MESD: variants seen among roughly 807,000 people sequenced by gnomAD.
MESD encodes mesoderm development LRP chaperone, also known as LRP chaperone MESD.
Under a neutral mutation model 12.9 loss-of-function variants are expected in MESD, and 7 were observed. The observed-to-expected ratio is 0.54, with a 90% CI of 0.31 to 1.02. The LOEUF is 1.02. MESD is among the 50% of genes least tolerant of loss of function. The pLI is 0.05. For missense variants in MESD, 342 were observed against 296.7 expected (o/e 1.15, Z -1.12); for synonymous variants, 126 against 115.6 (o/e 1.09, Z -0.58).
chr15:80,959,640 T>C (rs1399379927), intron 3 of MESD, among the ~76,000 whole-genome samples: 1 of 152,206 alleles, frequency 6.6e-6, no homozygotes, highest in Non-Finnish European at 1.5e-5. Flanking sequence ...CGAACCCTCT[T>C]TCTACCATAA....
intron 3 of MESD, among the ~76,000 whole-genome samples, chr15:80,955,834 C>A (rs1242398637): frequency 2.0e-5 from 3 of 151,920 alleles, no homozygotes; most frequent in Non-Finnish European, 4.4e-5. Context: ...GTTGGCCAGG[C>A]TAGTCTTAAA....
chr15:80,962,020 G>T (rs1902095300), intron 3 of MESD, among the ~76,000 whole-genome samples: 1 of 152,192 alleles, frequency 6.6e-6, no homozygotes, highest in Non-Finnish European at 1.5e-5. Flanking sequence ...TGGGCTAAAT[G>T]CCCCAATTAA....
At chr15:80,959,539 A>T (rs1467431045) in intron 3 of MESD, among the ~76,000 whole-genome samples, 2 of 152,226 alleles carry the variant, frequency 1.3e-5, no homozygotes, top group African/African-American at 4.8e-5. Context: ...TGTCTTGCTC[A>T]GATCAAAGTT....
chr15:80,983,449 T>C (rs1048533886), intron 1 of MESD, among the ~76,000 whole-genome samples: 2 of 152,046 alleles, frequency 1.3e-5, no homozygotes, highest in Non-Finnish European at 2.9e-5. Flanking sequence ...AGTAAACATA[T>C]TGAGGGTAAT....
At chr15:80,967,394 T>C (rs1422244077) in intron 3 of MESD, among the ~76,000 whole-genome samples, 1 of 152,234 alleles carries the variant, frequency 6.6e-6, no homozygotes, top group Non-Finnish European at 1.5e-5. Context: ...GCTTCTATCC[T>C]AAGGGAGTCA....
chr15:80,964,463 T>G (rs1902141190), intron 3 of MESD, among the ~76,000 whole-genome samples: 2 of 152,208 alleles, frequency 1.3e-5, no homozygotes, highest in African/African-American at 4.8e-5. Flanking sequence ...TGGAAAAAAC[T>G]ACTTTAAATT....
At chr15:80,969,079 T>C (rs1446006911) in intron 3 of MESD, among the ~76,000 whole-genome samples, 1 of 152,112 alleles carries the variant, frequency 6.6e-6, no homozygotes, top group Admixed American at 6.5e-5. Context: ...TGGTCCCAGC[T>C]ACCCAGGAGA....
exon 4 of MESD, chr15:80,952,192 A>C (rs1203162877): frequency 2.2e-6 from 1 of 456,122 alleles, no homozygotes; most frequent in Non-Finnish European, 4.4e-6. Flanking sequence ...GTTTGACAAG[A>C]GCATGGGGGC....
At chr15:80,974,068 C>CCCG (rs1555441789), downstream of MESD, among the ~76,000 whole-genome samples, 23 of 152,242 alleles carry the variant, frequency 1.5e-4, no homozygotes, top group African/African-American at 5.1e-4. Flanking sequence ...GGTTCCCCCC[C>CCCG]CCACTGGGGA....
At chr15:80,963,956 T>G (rs554448605) in intron 3 of MESD, among the ~76,000 whole-genome samples, 2 of 152,098 alleles carry the variant, frequency 1.3e-5, no homozygotes, top group Non-Finnish European at 2.9e-5. Flanking sequence ...CTATTCAACA[T>G]AGTATTGGAA....
chr15:80,986,027 T>C (rs924536127), intron 1 of MESD, among the ~76,000 whole-genome samples: 1 of 152,076 alleles, frequency 6.6e-6, no homozygotes, highest in African/African-American at 2.4e-5. Context: ...GTAAAAATTG[T>C]TTCAAGAGAC....
chr15:80,986,796 T>C (rs1052423532), intron 1 of MESD, among the ~76,000 whole-genome samples: 1 of 152,206 alleles, frequency 6.6e-6, no homozygotes, highest in Non-Finnish European at 1.5e-5. Flanking sequence ...TCTAAGTCAG[T>C]AGCTACAAAG....
exon 4 of MESD, chr15:80,952,250 G>A (rs779579340): frequency 1.1e-5 from 5 of 456,204 alleles, no homozygotes; most frequent in South Asian, 7.7e-5. Context: ...CGAGAGGCAG[G>A]CACAGGTAGA....
chr15:80,960,390 G>GAAA (rs34483226), intron 3 of MESD, among the ~76,000 whole-genome samples: 10,222 of 136,206 alleles, frequency 0.075, 526 homozygotes, highest in Middle Eastern at 0.19. Context: ...AAAGCACGGA[G>GAAA]AAAAAAAAAA....
chr15:80,986,678 G>C (rs993179735), intron 1 of MESD, among the ~76,000 whole-genome samples: 9 of 152,200 alleles, frequency 5.9e-5, no homozygotes, highest in Non-Finnish European at 1.3e-4. Context: ...CTGAGGCAGA[G>C]CGGGGGGCCA....
At position 80,978,725 on chromosome 15, in the gene MESD, T is replaced by A. The variant is rs1221000626; in HGVS notation, c.*494A>T. The A allele has an allele frequency of 6.5e-6, 1 of 153,252 alleles. No homozygotes were observed. The highest frequency in any genetic ancestry group is 1.5e-5 in the Non-Finnish European group (1 of 68,816). The allele number at this position is 153,252 out of a possible 1,614,324, so 9.5% of individuals were successfully genotyped here. On this transcript the variant is annotated 3_prime_UTR_variant, in exon 3 of 3. Coordinates refer to ENST00000261758, the MANE Select transcript of MESD (RefSeq NM_015154.3). ...AGATTTTGGATTTACACACCCTGGCTTCCTGGCTACAGACATCTGAGTTCA... is the reference window on the plus strand; with the variant it reads ...AGATTTTGGATTTACACACCCTGGCATCCTGGCTACAGACATCTGAGTTCA...
exon 4 of MESD, chr15:80,952,060 C>A: frequency 2.6e-6 from 1 of 391,948 alleles, no homozygotes; most frequent in Non-Finnish European, 5.2e-6. Context: ...GAACTTGCTG[C>A]GTCCTCCACA....
intron 3 of MESD, among the ~76,000 whole-genome samples, chr15:80,953,701 G>A (rs141579128): frequency 4.8e-4 from 73 of 152,316 alleles, no homozygotes; most frequent in African/African-American, 1.7e-3. Flanking sequence ...GCCTGGAGGC[G>A]ATGTGTAGGA....
intron 1 of MESD, among the ~76,000 whole-genome samples, chr15:80,982,667 C>T (rs1902612214): frequency 6.6e-6 from 1 of 152,100 alleles, no homozygotes; most frequent in Admixed American, 6.5e-5. Context: ...ACAGTGTTGC[C>T]TGTAGAAGGG....
Sources: allele counts gnomAD v4.1 joint callset (sites outside exome capture counted in the v4.1 genomes callset), GRCh38; gene constraint gnomAD v4.1.1; transcripts MANE v1.5; gene names NCBI Gene and HGNC (gene_info 2026-07-23, HGNC 2026-07-21).